DOCK1: variants seen among roughly 807,000 people sequenced by gnomAD.
The protein encoded by DOCK1 is dedicator of cytokinesis 1, also known as dedicator of cytokinesis protein 1.
Under a neutral mutation model 262.7 loss-of-function variants are expected in DOCK1, and 138 were observed. The observed-to-expected ratio is 0.53, with a 90% CI of 0.46 to 0.61. The LOEUF (loss-of-function observed/expected upper bound fraction) is 0.61. Ranked by LOEUF, DOCK1 falls within the 20% of genes least tolerant of loss-of-function variation. The probability of loss-of-function intolerance (pLI) is 0.00; values close to 1 mark genes in which losing one functional copy is unlikely to be tolerated. For missense variants in DOCK1, 1,908 were observed against 2,370.7 expected (o/e 0.80, Z 4.05); for synonymous variants, 866 against 867.4 (o/e 1.00, Z 0.03).
chr10:127,188,630 G>A (rs1426155764), intron 27 of DOCK1, among the ~76,000 whole-genome samples: 1 of 152,138 alleles, frequency 6.6e-6, no homozygotes, highest in Non-Finnish European at 1.5e-5. Flanking sequence ...TAGTCCTTAC[G>A]AACTGGGGCT....
intron 19 of DOCK1, among the ~76,000 whole-genome samples, chr10:127,041,526 G>A (rs1448820708): frequency 6.6e-6 from 1 of 152,160 alleles, no homozygotes; most frequent in Non-Finnish European, 1.5e-5. Context: ...TAATATTTGT[G>A]TACAAGTTAT....
chr10:127,052,295 G>T (rs563622360), intron 21 of DOCK1, among the ~76,000 whole-genome samples: 2 of 152,312 alleles, frequency 1.3e-5, no homozygotes, highest in African/African-American at 2.4e-5. Flanking sequence ...GAGGCCAAGG[G>T]GGGTGGATTG....
intron 30 of DOCK1, among the ~76,000 whole-genome samples, chr10:127,342,634 TAG>T (rs1365883542): frequency 2.6e-5 from 4 of 152,170 alleles, no homozygotes; most frequent in Non-Finnish European, 5.9e-5. Context: ...TAATTAAAAA[TAG>T]AGTCAATATA....
At chr10:127,375,886 GTCT>G (rs755565390) in intron 35 of DOCK1, among the ~76,000 whole-genome samples, 2 of 152,140 alleles carry the variant, frequency 1.3e-5, no homozygotes, top group Non-Finnish European at 2.9e-5. Flanking sequence ...TATTAGTTCC[GTCT>G]TCTTAGATCT....
intron 49 of DOCK1, 27 bp downstream of exon 49, chr10:127,439,252 C>G (rs1019249162): frequency 6.3e-7 from 1 of 1,588,324 alleles, no homozygotes; most frequent in African/African-American, 1.3e-5. Flanking sequence ...TCTTTCCTCG[C>G]TCTGCGGTAG....
chr10:127,120,619 A>G (rs1258902133), intron 25 of DOCK1, among the ~76,000 whole-genome samples: 1 of 152,178 alleles, frequency 6.6e-6, no homozygotes, highest in Non-Finnish European at 1.5e-5. Context: ...CTTTATTTTC[A>G]TCATTGAATA....
intron 31 of DOCK1, among the ~76,000 whole-genome samples, chr10:127,345,096 G>A (rs2063574337): frequency 6.6e-6 from 1 of 152,136 alleles, no homozygotes; most frequent in African/African-American, 2.4e-5. Context: ...GTGTGTAGTA[G>A]GCTGTAGTAT....
At chr10:127,449,180 G>T (rs7079945) in intron 51 of DOCK1, among the ~76,000 whole-genome samples, 36,069 of 152,114 alleles carry the variant, frequency 0.24, 5,479 homozygotes, top group African/African-American at 0.43. Flanking sequence ...AATGGAAGCC[G>T]GACCTTCCCC....
intron 19 of DOCK1, among the ~76,000 whole-genome samples, chr10:127,042,212 C>T (rs1432180388): frequency 6.6e-6 from 1 of 152,200 alleles, no homozygotes; most frequent in Non-Finnish European, 1.5e-5. Context: ...GTCCTTCCTT[C>T]CACTCAGCTG....
intron 27 of DOCK1, among the ~76,000 whole-genome samples, chr10:127,188,715 C>T (rs901576642): frequency 7.2e-5 from 11 of 152,202 alleles, no homozygotes; most frequent in Non-Finnish European, 1.3e-4. Context: ...GGCAAGTGAT[C>T]TAACCTGGGA....
At chr10:127,364,427 C>T (rs139759561) in intron 33 of DOCK1, among the ~76,000 whole-genome samples, 10 of 152,200 alleles carry the variant, frequency 6.6e-5, no homozygotes, top group African/African-American at 9.6e-5. Flanking sequence ...AATGCAGTGA[C>T]GCGATCTCAG....
At chr10:127,066,528 C>T (rs920179107) in intron 23 of DOCK1, among the ~76,000 whole-genome samples, 11 of 152,130 alleles carry the variant, frequency 7.2e-5, no homozygotes, top group African/African-American at 2.7e-4. Context: ...TGTGTGACAT[C>T]CAGACAGCTT....
chr10:127,353,714 G>C (rs2063999463), intron 31 of DOCK1, among the ~76,000 whole-genome samples: 1 of 152,236 alleles, frequency 6.6e-6, no homozygotes. Flanking sequence ...TGCCAGGTGA[G>C]ATTGATCTTC....
intron 4 of DOCK1, among the ~76,000 whole-genome samples, chr10:126,984,974 CTTTTTTTTTTTT>C (rs553086410): frequency 1.2e-5 from 1 of 85,128 alleles, no homozygotes; most frequent in African/African-American, 4.8e-5. Flanking sequence ...ATGTCCCATT[CTTTTTTTTTTTT>C]TTTTTTTTTT....
chr10:127,441,947 G>A (rs2070187088), intron 49 of DOCK1, among the ~76,000 whole-genome samples: 1 of 152,044 alleles, frequency 6.6e-6, no homozygotes. Flanking sequence ...GGGATGCAGG[G>A]AGGCCAGGAG....
chr10:127,066,695 A>G (rs2045898882), intron 23 of DOCK1, among the ~76,000 whole-genome samples: 1 of 152,244 alleles, frequency 6.6e-6, no homozygotes, highest in South Asian at 2.1e-4. Flanking sequence ...ATGAGCGCCT[A>G]GTGCCAGAGT....
intron 23 of DOCK1, among the ~76,000 whole-genome samples, chr10:127,084,303 C>G (rs529218450): frequency 3.9e-5 from 6 of 152,136 alleles, no homozygotes; most frequent in African/African-American, 1.4e-4. Context: ...AATCTCTGAC[C>G]TTATTTTTGT....
chr10:127,179,349 A>C (rs568871142), intron 27 of DOCK1, among the ~76,000 whole-genome samples: 53 of 152,372 alleles, frequency 3.5e-4, no homozygotes, highest in African/African-American at 1.3e-3. Context: ...TTGCTGGTAC[A>C]TAAAAATCAT....
At chr10:127,218,872 C>T (rs2058317136) in intron 27 of DOCK1, among the ~76,000 whole-genome samples, 1 of 152,184 alleles carries the variant, frequency 6.6e-6, no homozygotes, top group South Asian at 2.1e-4. Flanking sequence ...CTGGTGAGGT[C>T]TGCTCTCTAC....
Sources: gnomAD v4.1 joint callset for allele counts (sites outside exome capture counted in the v4.1 genomes callset) on GRCh38, gnomAD v4.1.1 for gene constraint, MANE v1.5 for transcripts, NCBI Gene and HGNC (gene_info 2026-07-23, HGNC 2026-07-21) for gene names.